Variants in OCA2 observed in about 807,000 individuals in gnomAD.
The protein encoded by OCA2 is P protein.
In OCA2, 77 loss-of-function variants were observed where a neutral mutation model predicts 100.2. The ratio of observed to expected loss-of-function variants is 0.77; its 90% CI spans 0.64 to 0.93. The LOEUF is 0.93. Ranked by LOEUF, OCA2 falls within the 40% of genes least tolerant of loss-of-function variation. The probability of loss-of-function intolerance (pLI) is 0.00; values close to 1 mark genes in which losing one functional copy is unlikely to be tolerated. For synonymous variants in OCA2, 432 were observed against 439.2 expected (o/e 0.98, Z 0.21); for missense variants, 1,062 against 1,089.1 (o/e 0.98, Z 0.35).
chr15:28,028,127 G>T, intron 3 of OCA2, 68 bp from the exon 4 acceptor site: 1 of 1,562,752 alleles, frequency 6.4e-7, no homozygotes, highest in Non-Finnish European at 8.8e-7. Flanking sequence ...GCTTTCCTCT[G>T]AGTTCTGACT....
intron 14 of OCA2, among the ~76,000 whole-genome samples, chr15:27,973,684 T>C (rs573006287): frequency 1.3e-5 from 2 of 152,342 alleles, no homozygotes; most frequent in South Asian, 4.1e-4. Flanking sequence ...TTTGGTTCCA[T>C]ATGAATTTCA....
intron 19 of OCA2, among the ~76,000 whole-genome samples, chr15:27,891,718 A>T (rs1161819822): frequency 3.9e-5 from 6 of 152,246 alleles, no homozygotes; most frequent in Non-Finnish European, 8.8e-5. Context: ...GAACCCATGG[A>T]TGCAAAAGCT....
At chr15:28,049,920 T>C (rs1332984703) in intron 2 of OCA2, among the ~76,000 whole-genome samples, 2 of 152,204 alleles carry the variant, frequency 1.3e-5, no homozygotes, top group African/African-American at 4.8e-5. Context: ...TGCCATTGAA[T>C]TGTACACTTA....
downstream of OCA2, among the ~76,000 whole-genome samples, chr15:27,751,732 G>C (rs190101362): frequency 2.0e-5 from 3 of 152,266 alleles, no homozygotes; most frequent in Admixed American, 6.5e-5. Context: ...GGGAGATGCT[G>C]GCAAGCCTTG....
intron 23 of OCA2, among the ~76,000 whole-genome samples, chr15:27,832,881 C>G (rs562133388): frequency 1.1e-4 from 16 of 141,284 alleles, no homozygotes; most frequent in African/African-American, 4.0e-4. Context: ...AGCACGATCT[C>G]GGGTCACTGC....
chr15:27,821,717 G>A (rs1046442140), intron 23 of OCA2, among the ~76,000 whole-genome samples: 3 of 151,846 alleles, frequency 2.0e-5, no homozygotes, highest in Non-Finnish European at 2.9e-5. Flanking sequence ...TAATACACAT[G>A]CAGGCACACT....
intron 1 of OCA2, among the ~76,000 whole-genome samples, chr15:28,097,270 G>A (rs1343183474): frequency 3.9e-5 from 6 of 152,218 alleles, no homozygotes; most frequent in Non-Finnish European, 7.3e-5. Context: ...GGTGGCCGGC[G>A]CAAGAGCCAC....
At chr15:27,767,466 A>C (rs1450595520) in intron 23 of OCA2, among the ~76,000 whole-genome samples, 1 of 151,808 alleles carries the variant, frequency 6.6e-6, no homozygotes, top group Non-Finnish European at 1.5e-5. Flanking sequence ...ACCAATCAGC[A>C]CTCTGTGTCT....
chr15:27,926,280 G>A, intron 18 of OCA2, 26 bp from the exon 19 acceptor site: 1 of 1,613,446 alleles, frequency 6.2e-7, no homozygotes. Flanking sequence ...TAGACATAGA[G>A]ATATAGTTCC....
chr15:27,818,455 T>C (rs2034389786), intron 23 of OCA2, among the ~76,000 whole-genome samples: 1 of 152,166 alleles, frequency 6.6e-6, no homozygotes, highest in South Asian at 2.1e-4. Context: ...TACAGTCTAA[T>C]AGTATAGGAA....
intron 23 of OCA2, among the ~76,000 whole-genome samples, chr15:27,800,184 G>A (rs957990373): frequency 6.6e-6 from 1 of 152,116 alleles, no homozygotes; most frequent in Non-Finnish European, 1.5e-5. Flanking sequence ...CAACTTATCA[G>A]AATTTGTACG....
At chr15:27,842,286 A>G (rs185045792) in intron 23 of OCA2, among the ~76,000 whole-genome samples, 2 of 152,352 alleles carry the variant, frequency 1.3e-5, no homozygotes, top group East Asian at 3.9e-4. Context: ...AAATGTAAGA[A>G]AACACACCAA....
rs568132481 is a variant in OCA2, at chr15:27,958,117, G to A, written c.1637-382C>T. Among the ~76,000 whole-genome samples the A allele has an allele frequency of 5.9e-5, 9 of 152,206 alleles. No individual in the cohort carries two copies. In the South Asian group the frequency reaches 1.2e-3, roughly 21 times the overall value. On this transcript the variant is annotated intron_variant, in intron 15 of 23. Coordinates refer to ENST00000354638, the MANE Select transcript of OCA2 (RefSeq NM_000275.3). ...CCTAATATAAATGACGAGTTAATGG[G>A]TACAGCACACTAACATGGCACATGT...
intron 2 of OCA2, among the ~76,000 whole-genome samples, chr15:28,033,221 G>C (rs550801933): frequency 2.0e-5 from 3 of 152,286 alleles, no homozygotes; most frequent in East Asian, 3.9e-4. Flanking sequence ...GAAGTTGTAG[G>C]AACAATTTTC....
intron 23 of OCA2, among the ~76,000 whole-genome samples, chr15:27,788,678 A>G (rs535061781): frequency 6.6e-6 from 1 of 152,162 alleles, no homozygotes; most frequent in Admixed American, 6.5e-5. Flanking sequence ...AATCTATGCA[A>G]TTTAATTGGA....
At chr15:27,942,274 TA>T (rs1247421340) in intron 18 of OCA2, among the ~76,000 whole-genome samples, 4 of 149,110 alleles carry the variant, frequency 2.7e-5, no homozygotes, top group Non-Finnish European at 5.9e-5. Context: ...TATACATATA[TA>T]ATATACATAG....
At chr15:27,854,065 G>T (rs184080860) in intron 21 of OCA2, among the ~76,000 whole-genome samples, 112 of 152,328 alleles carry the variant, frequency 7.4e-4, no homozygotes, top group African/African-American at 2.5e-3. Context: ...GCCCTCTGCT[G>T]CATCCCACTG....
chr15:28,016,641 G>A (rs775378070), intron 7 of OCA2, among the ~76,000 whole-genome samples: 26 of 151,968 alleles, frequency 1.7e-4, no homozygotes, highest in Non-Finnish European at 2.8e-4. Context: ...AATTAGCCAG[G>A]CCTGGTGGCA....
intron 2 of OCA2, among the ~76,000 whole-genome samples, chr15:28,061,532 G>GA (rs909099733): frequency 1.6e-3 from 246 of 150,714 alleles, no homozygotes; most frequent in African/African-American, 2.7e-3. Context: ...CCATACACAA[G>GA]AAAAAAAAAT....
Sources: gnomAD v4.1 joint callset for allele counts (sites outside exome capture counted in the v4.1 genomes callset) on GRCh38, gnomAD v4.1.1 for gene constraint, MANE v1.5 for transcripts, NCBI Gene and HGNC (gene_info 2026-07-23, HGNC 2026-07-21) for gene names.